Variants in SLC44A5 observed in about 807,000 individuals in gnomAD.
SLC44A5 encodes the protein solute carrier family 44 member 5.
In SLC44A5, 57 loss-of-function variants were observed where a neutral mutation model predicts 101.8. The ratio of observed to expected loss-of-function variants is 0.56; its 90% confidence interval spans 0.45 to 0.70. The LOEUF (loss-of-function observed/expected upper bound fraction) is 0.70. Ranked by LOEUF, SLC44A5 falls within the 30% of genes least tolerant of loss-of-function variation. SLC44A5 has a pLI of 0.00. For synonymous variants in SLC44A5, 281 were observed against 290.9 expected (o/e 0.97, Z 0.35); for missense variants, 737 against 853.1 (o/e 0.86, Z 1.70).
In SLC44A5 at chr1:75,436,901, A is replaced by C. The variant is rs367984667; in HGVS notation, c.14-40280T>G. Among the ~76,000 whole-genome samples, 40 of 152,226 alleles carry C rather than the reference A, an allele frequency of 2.6e-4. No individual in the cohort carries two copies. In the South Asian group the frequency reaches 8.1e-3, roughly 31 times the overall value. On this transcript the variant is annotated intron_variant, in intron 2 of 23. Transcript: ENST00000370859. ...AAACTTTTTTGTTAAAAGCTAAGACATAAACACACATATTAGCCTAGGCCA... is the reference window on the plus strand; with the variant it reads ...AAACTTTTTTGTTAAAAGCTAAGACCTAAACACACATATTAGCCTAGGCCA...
chr1:75,589,993 G>A (rs1674254730), intron 1 of SLC44A5, among the ~76,000 whole-genome samples: 1 of 152,042 alleles, frequency 6.6e-6, no homozygotes, highest in Non-Finnish European at 1.5e-5. Context: ...AGGCCATAAG[G>A]AGTGCAACTC....
intron 23 of SLC44A5, among the ~76,000 whole-genome samples, chr1:75,207,668 CT>C (rs1454636660): frequency 2.6e-5 from 4 of 151,870 alleles, no homozygotes; most frequent in African/African-American, 7.3e-5. Context: ...GAACATTTTG[CT>C]TTTTTTTGTC....
intron 2 of SLC44A5, among the ~76,000 whole-genome samples, chr1:75,452,089 A>G (rs1296639063): frequency 2.6e-5 from 4 of 152,226 alleles, no homozygotes; most frequent in Non-Finnish European, 5.9e-5. Flanking sequence ...CCACAAAGGT[A>G]TATAGTCACC....
the SLC44A5 span, among the ~76,000 whole-genome samples, chr1:75,674,779 G>C: frequency 6.6e-6 from 1 of 152,202 alleles, no homozygotes; most frequent in African/African-American, 2.4e-5. Context: ...AGAGGAGATA[G>C]AGAAAGGGAT....
At chr1:75,579,678 G>A (rs1281931034) in intron 1 of SLC44A5, among the ~76,000 whole-genome samples, 1 of 152,028 alleles carries the variant, frequency 6.6e-6, no homozygotes, top group Non-Finnish European at 1.5e-5. Context: ...TAAGATCTAG[G>A]AATGTTTTTG....
chr1:75,442,479 T>C (rs1013872911), intron 2 of SLC44A5, among the ~76,000 whole-genome samples: 2 of 152,132 alleles, frequency 1.3e-5, no homozygotes, highest in South Asian at 2.1e-4. Context: ...TTAGCAACCA[T>C]CCTGTTGTGT....
chr1:75,229,913 A>T (rs2100550479), intron 12 of SLC44A5, among the ~76,000 whole-genome samples: 1 of 152,312 alleles, frequency 6.6e-6, no homozygotes. Flanking sequence ...CCATGGTTTC[A>T]TCGGTTCTAG....
intron 5 of SLC44A5, among the ~76,000 whole-genome samples, chr1:75,291,977 A>G (rs545317720): frequency 6.7e-6 from 1 of 148,842 alleles, no homozygotes; most frequent in Non-Finnish European, 1.5e-5. Flanking sequence ...GCGCCACTGC[A>G]CTCCAGCCTG....
intron 6 of SLC44A5, among the ~76,000 whole-genome samples, chr1:75,270,577 A>C (rs1448594320): frequency 2.6e-5 from 4 of 152,152 alleles, no homozygotes; most frequent in African/African-American, 9.6e-5. Context: ...AATACTAGAG[A>C]AATATTGGAG....
At chr1:75,238,237 G>T (rs1648287272) in intron 10 of SLC44A5, among the ~76,000 whole-genome samples, 1 of 150,390 alleles carries the variant, frequency 6.6e-6, no homozygotes, top group East Asian at 2.0e-4. Flanking sequence ...GGAGGTTGCA[G>T]TGAGCTGAGA....
At chr1:75,376,519 G>T (rs1660627060) in intron 3 of SLC44A5, among the ~76,000 whole-genome samples, 4 of 152,180 alleles carry the variant, frequency 2.6e-5, no homozygotes, top group Admixed American at 2.6e-4. Context: ...CCTCAAGAGG[G>T]TCCCTAAACC....
chr1:75,681,747 G>A, the SLC44A5 span, among the ~76,000 whole-genome samples: 1 of 150,004 alleles, frequency 6.7e-6, no homozygotes, highest in Non-Finnish European at 1.5e-5. Flanking sequence ...AGTGTTGGAA[G>A]TTCTGGCCAG....
intron 2 of SLC44A5, among the ~76,000 whole-genome samples, chr1:75,456,766 T>C (rs1303009626): frequency 3.3e-5 from 5 of 152,254 alleles, no homozygotes; most frequent in Non-Finnish European, 7.3e-5. Context: ...TCTGTAGCCA[T>C]GAGTAAATGT....
At chr1:75,630,860 C>T in the SLC44A5 span, among the ~76,000 whole-genome samples, 1 of 152,186 alleles carries the variant, frequency 6.6e-6, no homozygotes, top group South Asian at 2.1e-4. Flanking sequence ...GACATGGACT[C>T]GCTGTCTTTC....
intron 2 of SLC44A5, among the ~76,000 whole-genome samples, chr1:75,501,174 A>G (rs1232783159): frequency 7.2e-6 from 1 of 139,626 alleles, no homozygotes; most frequent in East Asian, 3.7e-4. Flanking sequence ...TCCAACTCCA[A>G]TGAACATTAA....
the SLC44A5 span, among the ~76,000 whole-genome samples, chr1:75,680,824 C>T: frequency 7.2e-6 from 1 of 139,860 alleles, no homozygotes; most frequent in African/African-American, 2.5e-5. Context: ...AATCCAGGAG[C>T]TGGTTTTTTG....
At chr1:75,621,509 G>A in the SLC44A5 span, among the ~76,000 whole-genome samples, 2 of 152,140 alleles carry the variant, frequency 1.3e-5, no homozygotes, top group East Asian at 3.9e-4. Flanking sequence ...ATGAATGTAT[G>A]TTAGTGCAAT....
chr1:75,645,387 G>C, the SLC44A5 span, among the ~76,000 whole-genome samples: 1 of 152,110 alleles, frequency 6.6e-6, no homozygotes, highest in Non-Finnish European at 1.5e-5. Flanking sequence ...GTGATGATGA[G>C]CATTTTTTCA....
At chr1:75,408,816 C>A (rs538358788) in intron 2 of SLC44A5, among the ~76,000 whole-genome samples, 3 of 152,184 alleles carry the variant, frequency 2.0e-5, no homozygotes, top group Non-Finnish European at 4.4e-5. Flanking sequence ...ATGTAACAAA[C>A]CTGCACGTTT....
Sources: allele counts gnomAD v4.1 joint callset (sites outside exome capture counted in the v4.1 genomes callset), GRCh38; gene constraint gnomAD v4.1.1; transcripts MANE v1.5; gene names NCBI Gene and HGNC (gene_info 2026-07-23, HGNC 2026-07-21).